CCDC85C: variants seen among roughly 807,000 people sequenced by gnomAD.
The protein encoded by CCDC85C is coiled-coil domain containing 85C.
In CCDC85C, 18 loss-of-function variants were observed where a neutral mutation model predicts 38.3. The ratio of observed to expected loss-of-function variants is 0.47; its 90% CI spans 0.33 to 0.70. The LOEUF is 0.70. CCDC85C is among the 30% of genes least tolerant of loss of function. The pLI, the probability that CCDC85C is intolerant of heterozygous loss-of-function variation, is 0.03. For missense variants in CCDC85C, 566 were observed against 621.2 expected, an observed-to-expected ratio of 0.91 and a Z score of 0.94; for synonymous variants, 264 against 293.8, an observed-to-expected ratio of 0.90 and a Z score of 1.04.
intron 1 of CCDC85C, among the ~76,000 whole-genome samples, chr14:99,554,568 C>T (rs1324839191): frequency 1.3e-5 from 2 of 152,212 alleles, no homozygotes; most frequent in South Asian, 2.1e-4. Flanking sequence ...CAGCAGGAAC[C>T]GTTAGCCTTG....
intron 1 of CCDC85C, among the ~76,000 whole-genome samples, 158 bp from the exon 2 acceptor site, chr14:99,536,246 C>T (rs1403462890): frequency 1.3e-5 from 2 of 152,180 alleles, no homozygotes; most frequent in Non-Finnish European, 2.9e-5. Flanking sequence ...CCCTCGCCCG[C>T]CCTGTGGAAA....
In CCDC85C at chr14:99,516,536, G is replaced by A. The variant is rs1897228571; in HGVS notation, c.1072-250C>T. 6.6e-6 allele frequency among the ~76,000 whole-genome samples: 1 copy of A among 152,302 alleles called. No homozygotes were observed. The highest frequency in any genetic ancestry group is 2.4e-5 in the African/African-American group (1 of 41,556). ...GGGAGGAAGTAGACAGGCTGGGCAA[G>A]GAAGACCCTCAGACAGGTGGACTCA... On this transcript the variant is annotated intron_variant, in intron 4 of 5. Transcript: ENST00000380243. This position sits in a 1 kb window ranked among gnomAD's most constrained non-coding sequence, Gnocchi z 5.5.
In CCDC85C at chr14:99,513,086, C is replaced by T. The variant is rs1411011543; in HGVS notation, c.*2160G>A. ...CACTGATCCCTGGATGCCACTGCAG[C>T]ATTAAAGACAGGGTCAGTCCCCTTG... On this transcript the variant is annotated 3_prime_UTR_variant, in exon 6 of 6. Transcript: ENST00000380243. 6.6e-6 allele frequency: 1 copy of T among 152,222 alleles called. No homozygotes were observed. Among genetic ancestry groups the T allele is most frequent in the Admixed American group, 6.5e-5 (1 of 15,278 alleles). 9.4% of individuals were successfully genotyped at this position (152,222 alleles called of 1,614,324 possible). A position where few individuals can be genotyped will look rare whatever the true frequency, so the allele number is the denominator to read the frequency against.
intron 1 of CCDC85C, among the ~76,000 whole-genome samples, chr14:99,553,773 G>A (rs1897959556): frequency 6.6e-6 from 1 of 152,246 alleles, no homozygotes; most frequent in South Asian, 2.1e-4. Context: ...GCCCTGCACA[G>A]AAGCCCAGGG....
intron 2 of CCDC85C, among the ~76,000 whole-genome samples, chr14:99,530,217 G>A (rs978458934): frequency 1.3e-5 from 2 of 152,214 alleles, no homozygotes; most frequent in African/African-American, 4.8e-5. Context: ...CTGACCATCT[G>A]TTCATTGGCT....
At chr14:99,581,121 AGAG>A (rs2054963960) in intron 1 of CCDC85C, among the ~76,000 whole-genome samples, 2 of 152,236 alleles carry the variant, frequency 1.3e-5, no homozygotes, top group Non-Finnish European at 1.5e-5. Context: ...GCTGAAGCAA[AGAG>A]GAGGAGTGGG....
At chr14:99,541,959 G>A (rs1462405056) in intron 1 of CCDC85C, among the ~76,000 whole-genome samples, 1 of 152,178 alleles carries the variant, frequency 6.6e-6, no homozygotes, top group Non-Finnish European at 1.5e-5. Context: ...CCCTGAGCAA[G>A]GCCCTACGGC....
chr14:99,539,776 G>A (rs1418919490), intron 1 of CCDC85C, among the ~76,000 whole-genome samples: 1 of 152,196 alleles, frequency 6.6e-6, no homozygotes, highest in East Asian at 1.9e-4. Context: ...GAACCAGTGG[G>A]TTTTTATTTA....
chr14:99,580,358 G>C (rs1198340564), intron 1 of CCDC85C, among the ~76,000 whole-genome samples: 1 of 150,952 alleles, frequency 6.6e-6, no homozygotes, highest in African/African-American at 2.4e-5. Context: ...GAGTCACCGT[G>C]AGTGCAGTGG....
At chr14:99,517,026 CCA>C (rs1214873353) in intron 4 of CCDC85C, 60 bp downstream of exon 4, 1 of 1,457,672 alleles carries the variant, frequency 6.9e-7, no homozygotes, top group Non-Finnish European at 9.4e-7. Flanking sequence ...TGCAAAGGTC[CCA>C]CAGTCTCACA....
In CCDC85C at chr14:99,504,062, A is replaced by G; in HGVS notation, c.*11184T>C. On this transcript the variant is annotated 3_prime_UTR_variant, in exon 6 of 6. Coordinates refer to ENST00000380243, the MANE Select transcript of CCDC85C (RefSeq NM_001144995.2). Reference sequence around the variant, plus strand: ...GGACAGCACCAGCCCGGCCCAGCCCAGCTGCCCTTGCAGGCAAGGCCTCTT... The same window carrying G: ...GGACAGCACCAGCCCGGCCCAGCCCGGCTGCCCTTGCAGGCAAGGCCTCTT... 2.6e-6 allele frequency: 1 copy of G among 384,932 alleles called. No homozygotes were observed. The highest frequency in any genetic ancestry group is 5.1e-6 in the Non-Finnish European group (1 of 194,342). 23.8% of individuals were successfully genotyped at this position (384,932 alleles called of 1,614,324 possible). A position where few individuals can be genotyped will look rare whatever the true frequency, so the allele number is the denominator to read the frequency against.
chr14:99,597,657 T>A lies in CCDC85C; in HGVS notation c.793+5510A>T, dbSNP rs183484987. Among the ~76,000 whole-genome samples, 12 of 152,214 alleles carry A rather than the reference T, an allele frequency of 7.9e-5. 1 individual carries two copies. The highest frequency in any genetic ancestry group is 2.9e-4 in the African/African-American group (12 of 41,536). On this transcript the variant is annotated intron_variant, in intron 1 of 5. Coordinates refer to ENST00000380243, the MANE Select transcript of CCDC85C (RefSeq NM_001144995.2). The stretch of plus-strand genomic sequence containing the variant: ...ACAGCACTAACCCCCCTAAGAGTTA[T>A]CTCCCCACACACATCCTGGGTCCAC...
chr14:99,540,323 G>A (rs1328847505), intron 1 of CCDC85C, among the ~76,000 whole-genome samples: 1 of 152,098 alleles, frequency 6.6e-6, no homozygotes, highest in Non-Finnish European at 1.5e-5. Context: ...TCACCCTTGG[G>A]TCAGGAGCAG....
chr14:99,503,499 A>C lies in CCDC85C; in HGVS notation c.*11747T>G. 2 of 854,842 alleles carry C rather than the reference A, an allele frequency of 2.3e-6. No individual in the cohort carries two copies. Among genetic ancestry groups the C allele is most frequent in the Admixed American group, 2.5e-5 (1 of 40,110 alleles). The allele number at this position is 854,842 out of a possible 1,614,324, so 53.0% of individuals were successfully genotyped here. A position where few individuals can be genotyped will look rare whatever the true frequency, so the allele number is the denominator to read the frequency against. ...TCAGGCTAGAAATAATTTTTGTCCG[A>C]GGCTGTTCACAGTGACTGCCGTCGC... On this transcript the variant is annotated 3_prime_UTR_variant, in exon 6 of 6. Transcript: ENST00000380243.
At chr14:99,522,009 G>T in intron 3 of CCDC85C, 124 bp downstream of exon 3, 1 of 708,212 alleles carries the variant, frequency 1.4e-6, no homozygotes, top group Non-Finnish European at 2.4e-6. Context: ...CACGGACACA[G>T]GGCCTAGGGC....
rs2140000622 is a variant in CCDC85C at position 99,603,391 on chromosome 14, A to G, written c.569T>C (p.Leu190Pro). ...IDSQASLSGP[L>P]SGGAPGAGAR... The stretch of plus-strand genomic sequence containing the variant: ...CCCCGCGCCGGGCGCGCCACCCGAC[A>G]GCGGCCCGCTCAGGCTGGCCTGGCT... The change falls in exon 1 of 6, where the codon CTG becomes CCG. Residue 190 changes from leucine to proline, a missense_variant. Around this residue, in one of 3 missense-constraint regions of CCDC85C, gnomAD observed 269 missense variants for 308.2 expected, o/e 0.87. Coordinates refer to ENST00000380243, the MANE Select transcript of CCDC85C (RefSeq NM_001144995.2). This position sits in a 1 kb window ranked among gnomAD's most constrained non-coding sequence, Gnocchi z 7.5. The G allele has an allele frequency of 1.6e-6, 2 of 1,245,532 alleles. No homozygotes were observed. The highest frequency in any genetic ancestry group is 2.0e-6 in the Non-Finnish European group (2 of 996,612). The allele number at this position is 1,245,532 out of a possible 1,614,324, so 77.2% of individuals were successfully genotyped here.
rs113362071 is a variant in CCDC85C at position 99,520,676 on chromosome 14, G to A, written c.975+1457C>T. Among the ~76,000 whole-genome samples the A allele has an allele frequency of 0.035, 5,374 of 152,118 alleles. 157 individuals are homozygous for A. Among genetic ancestry groups the A allele is most frequent in the African/African-American group, 0.078 (3,239 of 41,484 alleles). ...CGGCCTCCTGGCCTCATGGAGGAGC[G>A]ACCCCTGCACAGCCCCCACGCTGGC... On this transcript the variant is annotated intron_variant, in intron 3 of 5. Transcript: ENST00000380243. This position sits in a 1 kb window ranked among gnomAD's most constrained non-coding sequence, Gnocchi z 4.1.
chr14:99,525,880 T>C (rs938606216), intron 2 of CCDC85C, among the ~76,000 whole-genome samples: 1 of 152,176 alleles, frequency 6.6e-6, no homozygotes, highest in African/African-American at 2.4e-5. Context: ...GGTGGGGACC[T>C]GCGAGGCTCC....
chr14:99,522,342 C>G (rs78053014), intron 2 of CCDC85C, 102 bp from the exon 3 acceptor site: 1 of 846,730 alleles, frequency 1.2e-6, no homozygotes, highest in Non-Finnish European at 1.8e-6. Context: ...CTCAAAGGCA[C>G]GGCCCCGGAG....
Sources: allele counts gnomAD v4.1 joint callset (sites outside exome capture counted in the v4.1 genomes callset), GRCh38; gene constraint gnomAD v4.1.1; regional missense constraint gnomAD v4.1.1; non-coding constraint Gnocchi (gnomAD v3.1); transcripts MANE v1.5; gene names NCBI Gene and HGNC (gene_info 2026-07-23, HGNC 2026-07-21).